Variants in FAM120B observed in about 807,000 individuals in gnomAD.
The protein encoded by FAM120B is family with sequence similarity 120 member B, also known as constitutive coactivator of peroxisome proliferator-activated receptor gamma.
FAM120B carries 83 observed loss-of-function variants against 96.3 expected under a neutral mutation model. That is an observed-to-expected ratio of 0.86 (90% CI 0.72 to 1.03). FAM120B has a LOEUF of 1.03. Among genes scored for constraint, FAM120B ranks in the 50% least tolerant of loss-of-function variants. The pLI is 0.00. For missense variants in FAM120B, 1,027 were observed against 1,121.2 expected, an observed-to-expected ratio of 0.92 and a Z score of 1.20; for synonymous variants, 407 against 402.7, an observed-to-expected ratio of 1.01 and a Z score of -0.13.
chr6:170,308,086 A>G (rs1188751212), intron 1 of FAM120B, among the ~76,000 whole-genome samples: 1 of 152,004 alleles, frequency 6.6e-6, no homozygotes, highest in Non-Finnish European at 1.5e-5. Flanking sequence ...TGACCTGCCC[A>G]TCTTTGGACT....
chr6:170,311,001 G>A (rs6456197), intron 1 of FAM120B, among the ~76,000 whole-genome samples: 84,263 of 152,076 alleles, frequency 0.55, 24,913 homozygotes, highest in Non-Finnish European at 0.65. Flanking sequence ...ATTTCTGGGG[G>A]GATAGAAGAG....
chr6:170,362,193 A>AG (rs1329173476), intron 6 of FAM120B, among the ~76,000 whole-genome samples: 2 of 152,194 alleles, frequency 1.3e-5, no homozygotes, highest in African/African-American at 4.8e-5. Flanking sequence ...AACAACTTGA[A>AG]GGGGGGAGGT....
At chr6:170,384,735 A>G (rs1348095679) in intron 6 of FAM120B, among the ~76,000 whole-genome samples, 1 of 152,252 alleles carries the variant, frequency 6.6e-6, no homozygotes, top group African/African-American at 2.4e-5. Context: ...CAGTAGGCCA[A>G]GTCTGGCCTT....
intron 1 of FAM120B, among the ~76,000 whole-genome samples, chr6:170,316,999 G>C (rs1784942230): frequency 6.6e-6 from 1 of 152,136 alleles, no homozygotes; most frequent in Non-Finnish European, 1.5e-5. Context: ...TTCAATTTAT[G>C]TTTTAGATTT....
intron 4 of FAM120B, among the ~76,000 whole-genome samples, chr6:170,334,730 T>A (rs988388860): frequency 6.6e-6 from 1 of 152,222 alleles, no homozygotes; most frequent in Non-Finnish European, 1.5e-5. Context: ...TAAAAAATAG[T>A]GTGAAGCTTT....
chr6:170,397,125 C>T (rs1778218105), intron 9 of FAM120B, among the ~76,000 whole-genome samples: 1 of 152,240 alleles, frequency 6.6e-6, no homozygotes, highest in Admixed American at 6.5e-5. Context: ...GCGGATCTGT[C>T]TGCAGCTGGC....
At chr6:170,400,715 C>T (rs1397851857) in intron 9 of FAM120B, among the ~76,000 whole-genome samples, 2 of 152,198 alleles carry the variant, frequency 1.3e-5, no homozygotes, top group African/African-American at 2.4e-5. Flanking sequence ...ATATTTATGT[C>T]AAACTATTTT....
intron 5 of FAM120B, among the ~76,000 whole-genome samples, chr6:170,357,693 G>A (rs369862633): frequency 6.6e-6 from 1 of 152,204 alleles, no homozygotes; most frequent in East Asian, 1.9e-4. Flanking sequence ...GTGATCAACT[G>A]TCTGGCTCTA....
At chr6:170,358,345 C>A in intron 6 of FAM120B, 27 bp downstream of exon 6, 4 of 1,510,764 alleles carry the variant, frequency 2.6e-6, no homozygotes, top group Non-Finnish European at 3.7e-6. Context: ...TTAGTTGTCA[C>A]TGCCCGGAAG....
intron 4 of FAM120B, among the ~76,000 whole-genome samples, chr6:170,341,077 C>T (rs1222961044): frequency 2.0e-5 from 3 of 152,232 alleles, no homozygotes; most frequent in Non-Finnish European, 4.4e-5. Context: ...CAGGCAGGAA[C>T]GTTTAAGTCC....
intron 1 of FAM120B, chr6:170,297,794 G>A (rs1784051077): frequency 6.6e-6 from 1 of 152,146 alleles, no homozygotes; most frequent in African/African-American, 2.4e-5. Flanking sequence ...TGCAAACAAA[G>A]AACAATAATT....
chr6:170,361,221 T>TATATATATAC (rs1788398527), intron 6 of FAM120B, among the ~76,000 whole-genome samples: 1 of 96,798 alleles, frequency 1.0e-5, no homozygotes, highest in East Asian at 7.5e-4. Context: ...TATATATATA[T>TATATATATAC]ATATATATAT....
upstream of FAM120B, chr6:170,290,873 C>G: frequency 1.5e-6 from 1 of 675,762 alleles, no homozygotes; most frequent in Non-Finnish European, 2.7e-6. The surrounding 1 kb of genome is among the most constrained non-coding windows in gnomAD (Gnocchi z 4.7). Flanking sequence ...TGCCCGGGTT[C>G]CCCTGCGCTC....
In FAM120B at chr6:170,352,524, G is replaced by A. The variant is rs117674402; in HGVS notation, c.2190+4201G>A. On this transcript the variant is annotated intron_variant, in intron 5 of 10. Coordinates refer to ENST00000476287, the MANE Select transcript of FAM120B (RefSeq NM_032448.3). ...TTACTCTAAAATGGATCACATAATC[G>A]GAAGTAAAACACATCTCAGCAAATG... is the stretch of plus-strand genomic sequence containing the variant. Among the ~76,000 whole-genome samples the A allele has an allele frequency of 8.9e-3, 1,349 of 152,136 alleles. 66 individuals carry two copies. In the East Asian group the frequency reaches 0.1, roughly 12 times the overall value.
At chr6:170,401,857 C>T (rs764833995) in intron 9 of FAM120B, among the ~76,000 whole-genome samples, 1 of 152,246 alleles carries the variant, frequency 6.6e-6, no homozygotes, top group Non-Finnish European at 1.5e-5. Context: ...CTTCTGGTTC[C>T]AAGCATTTCA....
At chr6:170,399,747 G>C (rs1778441972) in intron 9 of FAM120B, among the ~76,000 whole-genome samples, 1 of 149,988 alleles carries the variant, frequency 6.7e-6, no homozygotes, top group African/African-American at 2.5e-5. Flanking sequence ...ACTCTTAGGA[G>C]TGAGTGAGGA....
chr6:170,397,292 G>A (rs943681496), intron 9 of FAM120B, among the ~76,000 whole-genome samples: 1 of 152,168 alleles, frequency 6.6e-6, no homozygotes, highest in Non-Finnish European at 1.5e-5. Flanking sequence ...TAGAGCTTAT[G>A]TTCCCCCTCC....
chr6:170,397,578 G>A (rs150365472), intron 9 of FAM120B, among the ~76,000 whole-genome samples: 16 of 152,176 alleles, frequency 1.1e-4, no homozygotes, highest in African/African-American at 3.1e-4. Context: ...ACCACATCCC[G>A]CAGAAATGCT....
intron 9 of FAM120B, among the ~76,000 whole-genome samples, chr6:170,402,826 T>A (rs1778657092): frequency 6.6e-6 from 1 of 152,202 alleles, no homozygotes; most frequent in Non-Finnish European, 1.5e-5. Context: ...TTAGAAACAA[T>A]AAAACTGTAA....
Sources: gnomAD v4.1 joint callset for allele counts (sites outside exome capture counted in the v4.1 genomes callset) on GRCh38, gnomAD v4.1.1 for gene constraint, Gnocchi (gnomAD v3.1) non-coding constraint, MANE v1.5 for transcripts, NCBI Gene and HGNC (gene_info 2026-07-23, HGNC 2026-07-21) for gene names.